ADRA1B: variants seen among roughly 807,000 people sequenced by gnomAD.
ADRA1B encodes alpha-1B adrenergic receptor.
Under a neutral mutation model 17.9 loss-of-function variants are expected in ADRA1B, and 17 were observed. The ratio of observed to expected loss-of-function variants is 0.95; its 90% CI spans 0.65 to 1.42. The LOEUF (loss-of-function observed/expected upper bound fraction) is 1.42, where lower values mean the gene tolerates loss of function less well. ADRA1B is among the 40% of genes most tolerant of loss of function. ADRA1B has a pLI of 0.00. For synonymous variants in ADRA1B, 366 were observed against 327.6 expected (o/e 1.12, Z -1.27); for missense variants, 681 against 722.1 (o/e 0.94, Z 0.65).
chr5:159,969,631 T>C (rs1755833214), intron 1 of ADRA1B, among the ~76,000 whole-genome samples: 1 of 152,168 alleles, frequency 6.6e-6, no homozygotes, highest in South Asian at 2.1e-4. Flanking sequence ...ACAAATAGAT[T>C]CAGTGATGAT....
Position 159,972,167 on chromosome 5 carries a change from G to T in ADRA1B, c.1238G>T (p.Cys413Phe). The part of the protein sequence containing the change: ...RKDSLDDSGS[C>F]LSGSQRTLPS... ...GACTCGCTGGACGACAGCGGCAGCT[G>T]CCTGAGCGGCAGCCAGCGGACCCTG... is the stretch of plus-strand genomic sequence containing the variant. Residue 413 changes from cysteine (C) to phenylalanine (F), a missense_variant, in exon 2 of 2, where the codon TGC (cysteine) becomes TTC (phenylalanine). This residue lies in a region of ADRA1B where 251 missense variants were observed against 224.9 expected (regional missense o/e 1.12). Coordinates refer to ENST00000306675, the MANE Select transcript of ADRA1B (RefSeq NM_000679.4). 7.3e-7 allele frequency: 1 copy of T among 1,364,310 alleles called. No individual in the cohort carries two copies. The allele number at this position is 1,364,310 out of a possible 1,614,324, so 84.5% of individuals were successfully genotyped here. A position where few individuals can be genotyped will look rare whatever the true frequency, so the allele number is the denominator to read the frequency against.
chr5:159,964,526 C>T (rs908962377), intron 1 of ADRA1B, among the ~76,000 whole-genome samples: 8 of 152,188 alleles, frequency 5.3e-5, no homozygotes, highest in Non-Finnish European at 1.0e-4. Context: ...CAAAGAAAAG[C>T]GCTAAGTAAA....
At position 159,916,983 on chromosome 5, in the gene ADRA1B, T is replaced by C. The variant is rs201086906; in HGVS notation, c.78T>C (p.Thr26=). The C allele has an allele frequency of 5.1e-4, 831 of 1,614,134 alleles. 10 individuals are homozygous for C. The South Asian group carries it at 8.5e-3, about 16-fold the overall frequency. ...HWGELKNANF[T]GPNQTSSNST... ...GAGAGTTGAAAAATGCCAACTTCAC[T>C]GGCCCCAACCAGACCTCGAGCAACT... is the stretch of plus-strand genomic sequence containing the variant. Residue 26 remains threonine (T), a synonymous_variant, in exon 1 of 2, where the codon ACT becomes ACC. Transcript: ENST00000306675.
At chr5:159,947,410 C>G (rs1755305316) in intron 1 of ADRA1B, among the ~76,000 whole-genome samples, 1 of 152,078 alleles carries the variant, frequency 6.6e-6, no homozygotes, top group South Asian at 2.1e-4. Context: ...GTTCTCAGGG[C>G]TCATAAGTGG....
At chr5:159,893,625 C>T (rs1018479628) in intron 1 of ADRA1B, among the ~76,000 whole-genome samples, 1 of 152,216 alleles carries the variant, frequency 6.6e-6, no homozygotes. Flanking sequence ...TTCTTTCTTT[C>T]ATTTGTTCAG....
chr5:159,890,686 T>C (rs868329298), intron 1 of ADRA1B, among the ~76,000 whole-genome samples: 2 of 152,142 alleles, frequency 1.3e-5, no homozygotes, highest in Admixed American at 6.5e-5. Flanking sequence ...ACACCTGGGC[T>C]CTAAGAGCCA....
intron 1 of ADRA1B, chr5:159,951,109 G>T: frequency 1.3e-6 from 1 of 741,394 alleles, no homozygotes; most frequent in Non-Finnish European, 2.5e-6. Flanking sequence ...TGCCCATCAC[G>T]AACATGGGGG....
chr5:159,877,207 T>A (rs1753813236), intron 1 of ADRA1B, among the ~76,000 whole-genome samples: 1 of 152,036 alleles, frequency 6.6e-6, no homozygotes, highest in Non-Finnish European at 1.5e-5. Context: ...GCAAATAAAG[T>A]TTCAGCTCCC....
the ADRA1B span, among the ~76,000 whole-genome samples, chr5:159,988,124 G>A: frequency 6.6e-6 from 1 of 152,194 alleles, no homozygotes; most frequent in Non-Finnish European, 1.5e-5. Flanking sequence ...ACAGACAGAA[G>A]ACAATGTGAC....
chr5:159,947,666 G>T (rs1755314478), intron 1 of ADRA1B: 1 of 977,956 alleles, frequency 1.0e-6, no homozygotes, highest in Admixed American at 6.2e-5. Flanking sequence ...TGGGGGACCT[G>T]GCTATGACTT....
intron 1 of ADRA1B, among the ~76,000 whole-genome samples, chr5:159,921,990 A>G (rs976651783): frequency 6.6e-6 from 1 of 152,242 alleles, no homozygotes; most frequent in Non-Finnish European, 1.5e-5. Context: ...TACACACGGG[A>G]ATCCTTCCTG....
rs1753657584 is a variant in ADRA1B at position 159,866,646 on chromosome 5, T to C, written c.-256+1440T>C. 2.6e-5 allele frequency among the ~76,000 whole-genome samples: 4 copies of C among 151,386 alleles called. No homozygotes were observed. The South Asian group carries it at 8.4e-4, about 32-fold the overall frequency. On this transcript the variant is annotated intron_variant, in intron 1 of 2. Transcript: ENST00000641205. Reference sequence around the variant, plus strand: ...ACTTGCCCTTGTGCCACTCACAGTGTAGTGGGGGACAAACACATAAAAACC... The same window carrying C: ...ACTTGCCCTTGTGCCACTCACAGTGCAGTGGGGGACAAACACATAAAAACC...
chr5:159,899,314 GGAAA>G (rs1240096021), intron 1 of ADRA1B, among the ~76,000 whole-genome samples: 6 of 138,832 alleles, frequency 4.3e-5, no homozygotes, highest in African/African-American at 7.8e-5. Context: ...AAGGAAGGAA[GGAAA>G]GAAGGAAAGG....
chr5:159,955,370 T>C (rs1227456498), intron 1 of ADRA1B: 3 of 170,424 alleles, frequency 1.8e-5, no homozygotes, highest in Admixed American at 6.5e-5. Flanking sequence ...GCAGGAAAAG[T>C]TTTGATGCAC....
intron 1 of ADRA1B, among the ~76,000 whole-genome samples, chr5:159,878,296 A>G (rs1753823419): frequency 6.6e-6 from 1 of 152,168 alleles, no homozygotes; most frequent in South Asian, 2.1e-4. Context: ...CAGGGTTTGC[A>G]CTGGGCAGCT....
upstream of ADRA1B, among the ~76,000 whole-genome samples, chr5:159,915,801 T>C (rs74440770): frequency 0.027 from 4,103 of 152,248 alleles, 83 homozygotes; most frequent in Non-Finnish European, 0.037. Flanking sequence ...ACACACCTCA[T>C]CATTTGCTTA....
intron 1 of ADRA1B, among the ~76,000 whole-genome samples, chr5:159,920,783 C>G (rs889735522): frequency 6.6e-6 from 1 of 151,996 alleles, no homozygotes; most frequent in Non-Finnish European, 1.5e-5. Flanking sequence ...GAAATAACAC[C>G]CAAGCAAAAG....
intron 1 of ADRA1B, among the ~76,000 whole-genome samples, chr5:159,968,500 C>G (rs980526097): frequency 1.3e-5 from 2 of 152,184 alleles, no homozygotes; most frequent in Non-Finnish European, 2.9e-5. Flanking sequence ...CTTTCCTGCT[C>G]TAGATCCTGT....
Position 159,972,249 on chromosome 5 carries a change from G to C in ADRA1B, c.1320G>C (p.Glu440Asp), listed in dbSNP as rs1281215463. Residue 440 changes from glutamate (E) to aspartate (D), a missense_variant, in exon 2 of 2, where the codon GAG (glutamate) becomes GAC (aspartate). Coordinates refer to ENST00000306675, the MANE Select transcript of ADRA1B (RefSeq NM_000679.4). Reference protein sequence around the residue: ...YLGRGAPPPVELCAFPEWKAP... With the variant: ...YLGRGAPPPVDLCAFPEWKAP... Reference sequence around the variant, plus strand: ...GCCGCGGCGCGCCACCGCCAGTCGAGCTGTGCGCCTTCCCCGAGTGGAAGG... The same window carrying C: ...GCCGCGGCGCGCCACCGCCAGTCGACCTGTGCGCCTTCCCCGAGTGGAAGG... 18 of 1,358,252 alleles carry C rather than the reference G, an allele frequency of 1.3e-5. No homozygotes were observed. The highest frequency in any genetic ancestry group is 1.7e-5 in the Non-Finnish European group (18 of 1,054,760). The allele number at this position is 1,358,252 out of a possible 1,614,324, so 84.1% of individuals were successfully genotyped here.
Sources: allele counts gnomAD v4.1 joint callset (sites outside exome capture counted in the v4.1 genomes callset), GRCh38; gene constraint gnomAD v4.1.1; regional missense constraint gnomAD v4.1.1; transcripts MANE v1.5; gene names NCBI Gene and HGNC (gene_info 2026-07-23, HGNC 2026-07-21).